C4orf50: variants seen among roughly 807,000 people sequenced by gnomAD.
C4orf50 encodes uncharacterized protein C4orf50.
A neutral mutation model predicts 77.2 loss-of-function variants in C4orf50; 80 were observed. That is an observed-to-expected ratio of 1.04 (90% confidence interval 0.87 to 1.25). C4orf50 has a LOEUF of 1.25. C4orf50 is among the 50% of genes most tolerant of loss of function. C4orf50 has a pLI of 0.00. For synonymous variants in C4orf50, 532 were observed against 465.3 expected, an observed-to-expected ratio of 1.14 and a Z score of -1.84; for missense variants, 1,257 against 1,152.9, an observed-to-expected ratio of 1.09 and a Z score of -1.31.
rs980355287 is a variant in C4orf50, at chr4:5,959,285, T to C, written c.*90A>G. ...ACTTGCCACTAAATGAGGGCTCTGA[T>C]TGCTACCAATTTCTTAAAGCACTCT... On this transcript the variant is annotated 3_prime_UTR_variant, in exon 34 of 34. Transcript: ENST00000531445. 8 of 1,435,556 alleles carry C rather than the reference T, an allele frequency of 5.6e-6. No homozygotes were observed. The African/African-American group carries it at 1.1e-4, about 20-fold the overall frequency. 88.9% of individuals were successfully genotyped at this position (1,435,556 alleles called of 1,614,324 possible).
At position 5,905,604 on chromosome 4, in the gene C4orf50, C is replaced by T. The variant is rs1465783298; in HGVS notation, c.*2475-7416G>A. 6.6e-6 allele frequency among the ~76,000 whole-genome samples: 1 copy of T among 152,198 alleles called. No individual in the cohort carries two copies. Among genetic ancestry groups the T allele is most frequent in the African/African-American group, 2.4e-5 (1 of 41,448 alleles). On this transcript the variant is annotated intron_variant, in intron 7 of 7. Transcript: ENST00000324058. The surrounding 1 kb of genome is among the most constrained non-coding windows in gnomAD (Gnocchi z 5.4). ...TGGACTTATATCATGGAGTATCTAT[C>T]ATACAATTATCAGCTTGCTTTCCAG... is the stretch of plus-strand genomic sequence containing the variant.
chr4:5,981,662 C>T (rs143842692), intron 28 of C4orf50, among the ~76,000 whole-genome samples: 2 of 152,190 alleles, frequency 1.3e-5, no homozygotes, highest in African/African-American at 4.8e-5. Context: ...CCTCAGCCTC[C>T]CAAAGTGCTG....
chr4:5,939,092 A>T (rs1049574324), intron 7 of C4orf50, among the ~76,000 whole-genome samples: 1 of 152,118 alleles, frequency 6.6e-6, no homozygotes, highest in Non-Finnish European at 1.5e-5. Context: ...AAATACAAAA[A>T]ATTAGCTGGG....
intron 7 of C4orf50, among the ~76,000 whole-genome samples, chr4:5,925,232 C>T (rs368228964): frequency 6.8e-4 from 101 of 148,060 alleles, no homozygotes; most frequent in African/African-American, 2.5e-3. Flanking sequence ...ATATGGCGCT[C>T]GGCAAGGGGA....
At chr4:5,971,493 T>C (rs1307402222) in intron 31 of C4orf50, among the ~76,000 whole-genome samples, 1 of 151,756 alleles carries the variant, frequency 6.6e-6, no homozygotes, top group Non-Finnish European at 1.5e-5. Flanking sequence ...TTTTTTTTTT[T>C]CACTTTCAAA....
intron 7 of C4orf50, among the ~76,000 whole-genome samples, chr4:5,938,020 T>C (rs1718102279): frequency 6.6e-6 from 1 of 152,120 alleles, no homozygotes; most frequent in African/African-American, 2.4e-5. Context: ...AGCAAACAAA[T>C]GTACCAATGA....
In C4orf50 at chr4:6,000,214, T is replaced by C. The variant is rs1021825561; in HGVS notation, c.964-5738A>G. Among the ~76,000 whole-genome samples, 3 of 152,098 alleles carry C rather than the reference T, an allele frequency of 2.0e-5. No homozygotes were observed. The highest frequency in any genetic ancestry group is 7.2e-5 in the African/African-American group (3 of 41,428). ...GGCAGTCACACAGCATGCGATGCTC[T>C]CTGGACTCTGCGACTTCACAGATGT... On this transcript the variant is annotated intron_variant, in intron 25 of 33. Transcript: ENST00000531445. The surrounding 1 kb of genome is among the most constrained non-coding windows in gnomAD (Gnocchi z 6.0).
chr4:5,945,679 C>T (rs1446398863), intron 7 of C4orf50, among the ~76,000 whole-genome samples: 1 of 152,202 alleles, frequency 6.6e-6, no homozygotes. Flanking sequence ...GCCCCTGCCT[C>T]CTAACCATCA....
chr4:6,003,934 A>T lies in C4orf50; in HGVS notation c.963+4062T>A, dbSNP rs1388535870. Reference sequence around the variant, plus strand: ...GTTGATGATGGTGGTGATGGTGATGATGGTGATGGTGATGATGGTGATGGT... The same window carrying T: ...GTTGATGATGGTGGTGATGGTGATGTTGGTGATGGTGATGATGGTGATGGT... On this transcript the variant is annotated intron_variant, in intron 25 of 33. Transcript: ENST00000531445. Among the ~76,000 whole-genome samples the T allele has an allele frequency of 4.4e-3, 105 of 23,776 alleles. 1 individual carries two copies. Among genetic ancestry groups the T allele is most frequent in the African/African-American group, 0.016 (89 of 5,544 alleles). 15.6% of individuals were successfully genotyped at this position (23,776 alleles called of 152,430 possible). A position where few individuals can be genotyped will look rare whatever the true frequency, so the allele number is the denominator to read the frequency against.
chr4:5,974,943 C>T (rs112721670), intron 30 of C4orf50, among the ~76,000 whole-genome samples: 33,041 of 151,492 alleles, frequency 0.22, 3,956 homozygotes, highest in Non-Finnish European at 0.28. Context: ...AGTTCGAGAC[C>T]ACCCTGGCCA....
chr4:5,987,854 A>G (rs912961063), intron 28 of C4orf50, among the ~76,000 whole-genome samples: 12 of 152,180 alleles, frequency 7.9e-5, no homozygotes, highest in Non-Finnish European at 1.6e-4. Flanking sequence ...GACTCAAGCG[A>G]AGTCTGCATG....
chr4:5,986,125 G>C (rs1253081922), intron 28 of C4orf50, among the ~76,000 whole-genome samples: 1 of 152,148 alleles, frequency 6.6e-6, no homozygotes, highest in Non-Finnish European at 1.5e-5. Flanking sequence ...TATCAGCAAA[G>C]ATAGAAGAGA....
chr4:5,995,709 T>C (rs1275123958), intron 25 of C4orf50, among the ~76,000 whole-genome samples: 1 of 152,198 alleles, frequency 6.6e-6, no homozygotes, highest in Non-Finnish European at 1.5e-5. Flanking sequence ...CATCCTAGCC[T>C]GTATACGGTA....
chr4:5,966,063 C>G (rs1719545757), intron 32 of C4orf50, among the ~76,000 whole-genome samples: 1 of 152,194 alleles, frequency 6.6e-6, no homozygotes, highest in African/African-American at 2.4e-5. Context: ...TAGTAAGCTG[C>G]GCTTAAACAA....
At chr4:5,933,204 C>A (rs1717843255) in intron 7 of C4orf50, among the ~76,000 whole-genome samples, 1 of 152,238 alleles carries the variant, frequency 6.6e-6, no homozygotes, top group Non-Finnish European at 1.5e-5. Context: ...GGATCAGATG[C>A]TGGGATGCAT....
chr4:5,904,138 CG>C (rs1319349049), intron 7 of C4orf50: 1 of 152,222 alleles, frequency 6.6e-6, no homozygotes, highest in Admixed American at 6.5e-5. Context: ...GGCTCACTGA[CG>C]TTTCCCCGCT....
chr4:6,013,797 C>G (rs1017797411), intron 23 of C4orf50, among the ~76,000 whole-genome samples: 1 of 152,096 alleles, frequency 6.6e-6, no homozygotes, highest in African/African-American at 2.4e-5. Flanking sequence ...CCCCTCCAGC[C>G]TCGGAGAGGG....
intron 23 of C4orf50, among the ~76,000 whole-genome samples, chr4:6,013,967 A>T (rs1274016809): frequency 2.6e-5 from 4 of 151,694 alleles, no homozygotes; most frequent in Non-Finnish European, 1.5e-5. Flanking sequence ...ACCAGTGACA[A>T]GTGTGGATGA....
rs114137953 is a variant in C4orf50, at chr4:5,991,411, C to T, written c.1222-587G>A. ...ATGGATGGGGCTGGTGCAGGTGGTC[C>T]ACTCCCTGAGGACAGGACTTCATCT... On this transcript the variant is annotated intron_variant, in intron 27 of 33. Coordinates refer to ENST00000531445, the Ensembl canonical transcript of C4orf50. Among the ~76,000 whole-genome samples the T allele has an allele frequency of 6.6e-3, 998 of 152,282 alleles. 11 individuals are homozygous for T. The highest frequency in any genetic ancestry group is 0.023 in the African/African-American group (949 of 41,570).
Sources: allele counts gnomAD v4.1 joint callset (sites outside exome capture counted in the v4.1 genomes callset), GRCh38; gene constraint gnomAD v4.1.1; non-coding constraint Gnocchi (gnomAD v3.1); transcripts MANE v1.5; gene names NCBI Gene and HGNC (gene_info 2026-07-23, HGNC 2026-07-21).